Variants in RHOJ observed in about 807,000 individuals in gnomAD.
The protein encoded by RHOJ is rho-related GTP-binding protein RhoJ.
In RHOJ, 11 loss-of-function variants were observed where a neutral mutation model predicts 23.4. That is an observed-to-expected ratio of 0.47 (90% CI 0.30 to 0.78). RHOJ has a LOEUF of 0.78. Ranked by LOEUF, RHOJ falls within the 30% of genes least tolerant of loss-of-function variation. The probability of loss-of-function intolerance (pLI) is 0.08; values close to 1 mark genes in which losing one functional copy is unlikely to be tolerated. For synonymous variants in RHOJ, 102 were observed against 102.7 expected, an observed-to-expected ratio of 0.99 and a Z score of 0.04; for missense variants, 254 against 273.4, an observed-to-expected ratio of 0.93 and a Z score of 0.50.
At chr14:63,215,325 C>T (rs951756708) in intron 1 of RHOJ, among the ~76,000 whole-genome samples, 9 of 152,152 alleles carry the variant, frequency 5.9e-5, no homozygotes, top group African/African-American at 9.7e-5. Context: ...TCTTACTAAA[C>T]GGGTACCAAG....
At chr14:63,244,678 T>G (rs1298679487) in intron 1 of RHOJ, among the ~76,000 whole-genome samples, 1 of 152,210 alleles carries the variant, frequency 6.6e-6, no homozygotes, top group African/African-American at 2.4e-5. Flanking sequence ...AAGCATTACA[T>G]TAGTGATATT....
intron 2 of RHOJ, among the ~76,000 whole-genome samples, chr14:63,277,768 T>C (rs1340691647): frequency 6.6e-6 from 1 of 152,064 alleles, no homozygotes; most frequent in Non-Finnish European, 1.5e-5. Context: ...TGAACAGCTG[T>C]AGATTATAGC....
intron 1 of RHOJ, among the ~76,000 whole-genome samples, chr14:63,262,538 A>G (rs1490029284): frequency 1.3e-5 from 2 of 152,162 alleles, no homozygotes; most frequent in Admixed American, 1.3e-4. Context: ...CATTTGACCT[A>G]CTCTCTTTAA....
At chr14:63,288,355 G>C in intron 4 of RHOJ, 3 of 985,210 alleles carry the variant, frequency 3.0e-6, no homozygotes, top group Non-Finnish European at 3.6e-6. Context: ...TGGAATTCCA[G>C]GCAGAATCAA....
At chr14:63,205,454 T>C (rs961088309) in intron 1 of RHOJ, among the ~76,000 whole-genome samples, 4 of 152,246 alleles carry the variant, frequency 2.6e-5, no homozygotes, top group African/African-American at 9.6e-5. Context: ...GGATTGTTCT[T>C]GCCGCTCTTT....
chr14:63,267,878 T>C (rs1234031943), intron 1 of RHOJ, among the ~76,000 whole-genome samples: 2 of 152,196 alleles, frequency 1.3e-5, no homozygotes, highest in African/African-American at 2.4e-5. Flanking sequence ...ATAAAAATAG[T>C]TCCCAGTGTC....
chr14:63,230,467 A>G (rs1224902059), intron 1 of RHOJ, among the ~76,000 whole-genome samples: 3 of 151,984 alleles, frequency 2.0e-5, no homozygotes, highest in Non-Finnish European at 2.9e-5. Flanking sequence ...TTGCTCTTCT[A>G]TATAACAGTA....
intron 2 of RHOJ, among the ~76,000 whole-genome samples, chr14:63,274,806 T>G (rs992567403): frequency 1.3e-5 from 2 of 152,162 alleles, no homozygotes; most frequent in African/African-American, 4.8e-5. Flanking sequence ...CCACCCATGT[T>G]CTTAAGCACC....
At chr14:63,224,128 T>C (rs1016647621) in intron 1 of RHOJ, among the ~76,000 whole-genome samples, 1 of 152,210 alleles carries the variant, frequency 6.6e-6, no homozygotes, top group African/African-American at 2.4e-5. Context: ...TAAGAAATGT[T>C]ATTGTTTCTT....
intron 4 of RHOJ, chr14:63,288,270 TG>T: frequency 1.0e-6 from 1 of 985,432 alleles, no homozygotes; most frequent in African/African-American, 1.7e-5. Context: ...AGCTGCACAC[TG>T]GGGGCAGGAG....
chr14:63,226,793 T>C (rs1894602713), intron 1 of RHOJ, among the ~76,000 whole-genome samples: 1 of 151,802 alleles, frequency 6.6e-6, no homozygotes, highest in African/African-American at 2.4e-5. Context: ...CAAATACAAC[T>C]CCTAGAAAAG....
chr14:63,247,268 G>A (rs1894992894), intron 1 of RHOJ, among the ~76,000 whole-genome samples: 2 of 152,192 alleles, frequency 1.3e-5, no homozygotes, highest in Admixed American at 6.5e-5. Context: ...CTTAAGCAAT[G>A]AACTTGGAAG....
chr14:63,244,834 T>A (rs553479938), intron 1 of RHOJ, among the ~76,000 whole-genome samples: 14 of 152,304 alleles, frequency 9.2e-5, no homozygotes, highest in African/African-American at 2.9e-4. Context: ...AACAAATAAA[T>A]AAAGGAGTTC....
chr14:63,285,798 G>A (rs1882064447), intron 4 of RHOJ, among the ~76,000 whole-genome samples: 1 of 152,126 alleles, frequency 6.6e-6, no homozygotes, highest in Non-Finnish European at 1.5e-5. Flanking sequence ...GTGCTATGCT[G>A]GATGCTACAC....
chr14:63,242,385 A>G (rs1275112591), intron 1 of RHOJ, among the ~76,000 whole-genome samples: 1 of 152,202 alleles, frequency 6.6e-6, no homozygotes, highest in Non-Finnish European at 1.5e-5. Flanking sequence ...CATGTAACAT[A>G]GCAAGACCTC....
chr14:63,256,924 T>G lies in RHOJ; in HGVS notation c.179-12186T>G, dbSNP rs374926574. Among the ~76,000 whole-genome samples, 11 of 151,894 alleles carry G rather than the reference T, an allele frequency of 7.2e-5. No individual in the cohort carries two copies. In the East Asian group the frequency reaches 1.4e-3, roughly 19 times the overall value. On this transcript the variant is annotated intron_variant, in intron 1 of 4. Coordinates refer to ENST00000316754, the MANE Select transcript of RHOJ (RefSeq NM_020663.5). ...CTGTCTCTACTAACAATACAAAAAT[T>G]AGCCAGGCATGGTGGCATGCACCTG...
intron 1 of RHOJ, among the ~76,000 whole-genome samples, chr14:63,209,698 A>T (rs2139726281): frequency 6.6e-6 from 1 of 152,344 alleles, no homozygotes; most frequent in Admixed American, 6.5e-5. Context: ...CTCAACTCAG[A>T]TTATTCTCAA....
chr14:63,290,875 A>C lies in RHOJ; in HGVS notation c.499-3A>C, dbSNP rs146484171. ...TCATGCCTTTCTCTCTTTTGTGTTT[A>C]AGATCGGAGCACAGTGCTACTTGGA... On this transcript the variant is annotated splice_region_variant and splice_polypyrimidine_tract_variant and intron_variant, in intron 4 of 4. Transcript: ENST00000316754. 1,029 of 1,605,280 alleles carry C rather than the reference A, an allele frequency of 6.4e-4. 2 individuals are homozygous for C. In the African/African-American group the frequency reaches 0.011, roughly 18 times the overall value.
intron 3 of RHOJ, 100 bp downstream of exon 3, chr14:63,281,235 G>A: frequency 8.5e-7 from 1 of 1,173,392 alleles, no homozygotes; most frequent in Non-Finnish European, 1.2e-6. Flanking sequence ...CTATGGAAGT[G>A]TGTCTCAGAC....
Sources: gnomAD v4.1 joint callset for allele counts (sites outside exome capture counted in the v4.1 genomes callset) on GRCh38, gnomAD v4.1.1 for gene constraint, MANE v1.5 for transcripts, NCBI Gene and HGNC (gene_info 2026-07-23, HGNC 2026-07-21) for gene names.